The following PRKCH variants were observed in gnomAD, a reference collection of about 807,000 sequenced individuals.
The protein encoded by PRKCH is protein kinase C eta, also known as protein kinase C eta type.
PRKCH carries 28 observed loss-of-function variants against 82.5 expected under a neutral mutation model. The ratio of observed to expected loss-of-function variants is 0.34; its 90% CI spans 0.25 to 0.47. The LOEUF (loss-of-function observed/expected upper bound fraction) is 0.47. Among genes scored for constraint, PRKCH ranks in the 20% least tolerant of loss-of-function variants. The pLI is 1.00. For missense variants in PRKCH, 705 were observed against 881.8 expected (o/e 0.80, Z 2.54); for synonymous variants, 322 against 327.4 (o/e 0.98, Z 0.18).
At chr14:61,227,649 A>T (rs73317447) in intron 1 of PRKCH, among the ~76,000 whole-genome samples, 5,299 of 152,166 alleles carry the variant, frequency 0.035, 190 homozygotes, top group African/African-American at 0.091. Context: ...GTTAAATGCG[A>T]ACATTTTTAT....
intron 2 of PRKCH, among the ~76,000 whole-genome samples, chr14:61,408,295 T>C (rs1211626550): frequency 6.6e-6 from 1 of 152,148 alleles, no homozygotes; most frequent in Non-Finnish European, 1.5e-5. Context: ...AGAAATCTCT[T>C]CATTTTTTCA....
chr14:61,546,172 C>T (rs1448980389), intron 12 of PRKCH, among the ~76,000 whole-genome samples: 1 of 152,220 alleles, frequency 6.6e-6, no homozygotes, highest in East Asian at 1.9e-4. Context: ...CTGCATTGCA[C>T]AGGCTTACTT....
chr14:61,189,112 C>T (rs553311684), intron 1 of PRKCH, among the ~76,000 whole-genome samples: 1 of 152,380 alleles, frequency 6.6e-6, no homozygotes, highest in African/African-American at 2.4e-5. Context: ...GAAGAAAACA[C>T]AGGGTGCGGC....
intron 1 of PRKCH, among the ~76,000 whole-genome samples, chr14:61,356,077 T>C (rs1434420302): frequency 6.6e-6 from 1 of 152,160 alleles, no homozygotes; most frequent in Non-Finnish European, 1.5e-5. Flanking sequence ...GAACTGCCTG[T>C]CAGACTGACT....
intron 1 of PRKCH, among the ~76,000 whole-genome samples, chr14:61,372,560 C>T (rs911260346): frequency 5.9e-5 from 9 of 152,044 alleles, no homozygotes; most frequent in South Asian, 2.1e-4. Context: ...ACTTGTATCC[C>T]TTATGAGAAA....
At chr14:61,340,030 C>G (rs994503072) in intron 1 of PRKCH, among the ~76,000 whole-genome samples, 4 of 151,996 alleles carry the variant, frequency 2.6e-5, no homozygotes, top group Non-Finnish European at 4.4e-5. Context: ...GAGCACTCAG[C>G]CTTTCAGTCC....
intron 1 of PRKCH, among the ~76,000 whole-genome samples, chr14:61,218,848 A>T (rs944005701): frequency 6.6e-6 from 1 of 152,072 alleles, no homozygotes; most frequent in African/African-American, 2.4e-5. Flanking sequence ...TTGTAACCCG[A>T]TGCTCTATAA....
At chr14:61,431,255 G>A (rs1293222980) in intron 2 of PRKCH, among the ~76,000 whole-genome samples, 1 of 152,340 alleles carries the variant, frequency 6.6e-6, no homozygotes, top group Admixed American at 6.5e-5. Flanking sequence ...GTGCTGGCAG[G>A]CCACTGCACA....
intron 1 of PRKCH, among the ~76,000 whole-genome samples, chr14:61,315,654 C>G (rs2045556224): frequency 6.6e-6 from 1 of 151,802 alleles, no homozygotes; most frequent in Non-Finnish European, 1.5e-5. Context: ...TTTAATTTAC[C>G]CGTGTTGCAT....
intron 2 of PRKCH, among the ~76,000 whole-genome samples, chr14:61,395,601 G>A (rs532821013): frequency 6.6e-6 from 1 of 152,122 alleles, no homozygotes; most frequent in Non-Finnish European, 1.5e-5. Context: ...TCACATGGTT[G>A]TCTTGAAGGT....
chr14:61,463,801 A>G (rs1057288590), intron 9 of PRKCH, among the ~76,000 whole-genome samples: 1 of 152,218 alleles, frequency 6.6e-6, no homozygotes, highest in Non-Finnish European at 1.5e-5. Context: ...TTGATTACAC[A>G]TATCAGTGAG....
intron 9 of PRKCH, among the ~76,000 whole-genome samples, chr14:61,462,151 G>A (rs1216371973): frequency 6.6e-6 from 1 of 152,206 alleles, no homozygotes; most frequent in East Asian, 1.9e-4. Flanking sequence ...CAGCACTTTG[G>A]GAGGCCGAGG....
At chr14:61,289,254 C>T (rs1213918148) in intron 1 of PRKCH, among the ~76,000 whole-genome samples, 1 of 152,152 alleles carries the variant, frequency 6.6e-6, no homozygotes, top group African/African-American at 2.4e-5. Context: ...AATCTAGATC[C>T]AAAGAGGACC....
At chr14:61,340,614 AGAG>A (rs1276727007) in intron 1 of PRKCH, among the ~76,000 whole-genome samples, 1 of 152,146 alleles carries the variant, frequency 6.6e-6, no homozygotes, top group Non-Finnish European at 1.5e-5. Flanking sequence ...AGACTGTGAG[AGAG>A]GAGGAGTGCT....
At chr14:61,272,657 A>G (rs1449872433) in intron 1 of PRKCH, among the ~76,000 whole-genome samples, 1 of 152,150 alleles carries the variant, frequency 6.6e-6, no homozygotes, top group Non-Finnish European at 1.5e-5. Flanking sequence ...CGCCTGGCCC[A>G]TAGATTTAAT....
chr14:61,526,175 G>A (rs986412977), intron 10 of PRKCH, among the ~76,000 whole-genome samples: 5 of 152,206 alleles, frequency 3.3e-5, no homozygotes, highest in African/African-American at 1.2e-4. Context: ...ATGTGGTGGG[G>A]CCAGGGGAGG....
At chr14:61,256,136 C>G (rs2044996025) in intron 1 of PRKCH, among the ~76,000 whole-genome samples, 2 of 152,172 alleles carry the variant, frequency 1.3e-5, no homozygotes, top group South Asian at 4.1e-4. Context: ...TGTCGCAAAT[C>G]ACAGTTCCAT....
intron 1 of PRKCH, chr14:61,281,016 C>T: frequency 6.5e-7 from 1 of 1,535,586 alleles, no homozygotes; most frequent in Non-Finnish European, 8.7e-7. Context: ...CGATGAAGGC[C>T]AGGCCCGCGC....
chr14:61,536,620 G>A (rs1025593248), intron 12 of PRKCH, among the ~76,000 whole-genome samples: 1 of 152,060 alleles, frequency 6.6e-6, no homozygotes, highest in Admixed American at 6.5e-5. Context: ...TCTATATCTG[G>A]GGAAACTGGT....
Sources: gnomAD v4.1 joint callset for allele counts (sites outside exome capture counted in the v4.1 genomes callset) on GRCh38, gnomAD v4.1.1 for gene constraint, MANE v1.5 for transcripts, NCBI Gene and HGNC (gene_info 2026-07-23, HGNC 2026-07-21) for gene names.